Variants in ADAMTS17 observed in about 807,000 individuals in gnomAD.
ADAMTS17 encodes A disintegrin and metalloproteinase with thrombospondin motifs 17.
In ADAMTS17, 113 loss-of-function variants were observed where a neutral mutation model predicts 141.5. The ratio of observed to expected loss-of-function variants is 0.80; its 90% CI spans 0.69 to 0.93. The LOEUF is 0.93. Ranked by LOEUF, ADAMTS17 falls within the 40% of genes least tolerant of loss-of-function variation. ADAMTS17 has a pLI of 0.00. For missense variants in ADAMTS17, 1,659 were observed against 1,517.9 expected, an observed-to-expected ratio of 1.09 and a Z score of -1.54; for synonymous variants, 768 against 630.6, an observed-to-expected ratio of 1.22 and a Z score of -3.27.
chr15:99,981,424 C>T (rs1353546648), intron 20 of ADAMTS17, among the ~76,000 whole-genome samples: 2 of 152,228 alleles, frequency 1.3e-5, no homozygotes, highest in Non-Finnish European at 2.9e-5. Flanking sequence ...GCATTTTACT[C>T]TCATCAGAAT....
intron 3 of ADAMTS17, among the ~76,000 whole-genome samples, chr15:100,287,049 G>A (rs548095832): frequency 6.6e-6 from 1 of 152,284 alleles, no homozygotes; most frequent in Non-Finnish European, 1.5e-5. Context: ...TTAGCTGGGT[G>A]TGGTGGCACA....
intron 8 of ADAMTS17, among the ~76,000 whole-genome samples, chr15:100,193,932 T>C (rs904339821): frequency 2.6e-5 from 4 of 152,210 alleles, no homozygotes; most frequent in Non-Finnish European, 5.9e-5. Context: ...CTGGTGCCAC[T>C]TGGGCTGGAG....
Position 100,235,123 on chromosome 15 carries a change from G to A in ADAMTS17, c.1075+19013C>T, listed in dbSNP as rs542490921. On this transcript the variant is annotated intron_variant, in intron 7 of 21. Coordinates refer to ENST00000268070, the MANE Select transcript of ADAMTS17 (RefSeq NM_139057.4). ...AACAGGAAGGCAGACGCGGGCCCAC[G>A]ATGAGATAGGATGCAGGAGGTGCTC... Among the ~76,000 whole-genome samples, 28 of 152,312 alleles carry A rather than the reference G, an allele frequency of 1.8e-4. 1 individual carries two copies. In the South Asian group the frequency reaches 4.4e-3, roughly 24 times the overall value.
intron 13 of ADAMTS17, among the ~76,000 whole-genome samples, chr15:100,114,003 G>C (rs2036955705): frequency 6.6e-6 from 1 of 152,222 alleles, no homozygotes; most frequent in Admixed American, 6.5e-5. Flanking sequence ...AATGGGGTGG[G>C]TTTGGCAGTG....
chr15:99,990,748 C>T (rs1433860773), intron 20 of ADAMTS17, among the ~76,000 whole-genome samples: 2 of 152,054 alleles, frequency 1.3e-5, no homozygotes, highest in African/African-American at 2.4e-5. Flanking sequence ...AATGGAAAAC[C>T]CATTTTTCCT....
rs760148990 is a variant in ADAMTS17 at position 100,199,307 on chromosome 15, C to A, written c.1181+11G>T. ...GAAAGAAAACAGGACGACACAGAGT[C>A]TGATACTTACTTGTGGCCCAGCTCA... is the stretch of plus-strand genomic sequence containing the variant. On this transcript the variant is annotated intron_variant, in intron 8 of 21. Coordinates refer to ENST00000268070, the MANE Select transcript of ADAMTS17 (RefSeq NM_139057.4). The A allele has an allele frequency of 3.7e-6, 6 of 1,611,804 alleles. No homozygotes were observed. The highest frequency in any genetic ancestry group is 5.1e-6 in the Non-Finnish European group (6 of 1,177,836).
At position 100,079,217 on chromosome 15, in the gene ADAMTS17, T is replaced by G. The variant is rs370255778; in HGVS notation, c.2137+17139A>C. On this transcript the variant is annotated intron_variant, in intron 15 of 21. Coordinates refer to ENST00000268070, the MANE Select transcript of ADAMTS17 (RefSeq NM_139057.4). ...TTCCCAGGTATATACACAAGGGAAATGAAAACATGTCCACATGGTAACTCG... is the reference window on the plus strand; with the variant it reads ...TTCCCAGGTATATACACAAGGGAAAGGAAAACATGTCCACATGGTAACTCG... 1.2e-4 allele frequency among the ~76,000 whole-genome samples: 18 copies of G among 152,142 alleles called. No homozygotes were observed. The East Asian group carries it at 1.3e-3, about 11-fold the overall frequency.
At chr15:100,221,475 G>A (rs12592736) in intron 7 of ADAMTS17, among the ~76,000 whole-genome samples, 35,868 of 152,080 alleles carry the variant, frequency 0.24, 4,690 homozygotes, top group East Asian at 0.33. Context: ...ATGGTCAGCC[G>A]TTGGGAAATT....
intron 20 of ADAMTS17, among the ~76,000 whole-genome samples, chr15:99,984,574 T>C (rs2060547267): frequency 2.0e-5 from 3 of 152,200 alleles, no homozygotes; most frequent in Admixed American, 6.5e-5. Context: ...TACTGGGCAT[T>C]TCCCCTGTGC....
chr15:100,216,480 C>T (rs1231336720), intron 7 of ADAMTS17, among the ~76,000 whole-genome samples: 1 of 152,176 alleles, frequency 6.6e-6, no homozygotes, highest in Non-Finnish European at 1.5e-5. Context: ...GCATCAGAGG[C>T]CACTCTCTTT....
In ADAMTS17 at chr15:99,972,081, C is replaced by G. The variant is rs1407850923; in HGVS notation, c.*2321G>C. The G allele has an allele frequency of 6.6e-6, 1 of 152,256 alleles. No homozygotes were observed. The allele number at this position is 152,256 out of a possible 1,614,324, so 9.4% of individuals were successfully genotyped here. On this transcript the variant is annotated 3_prime_UTR_variant, in exon 22 of 22. Coordinates refer to ENST00000268070, the MANE Select transcript of ADAMTS17 (RefSeq NM_139057.4). ...CCTGGCTAACATGGTGAAACCCCGT[C>G]TCTAGTAAAAATACAAAAAAGTAGG... is the stretch of plus-strand genomic sequence containing the variant.
chr15:100,243,015 T>C (rs2042873833), intron 7 of ADAMTS17, among the ~76,000 whole-genome samples: 1 of 152,224 alleles, frequency 6.6e-6, no homozygotes. Context: ...GCAACTGCCA[T>C]CCTGCTTTCT....
chr15:100,203,977 C>T (rs1293053373), intron 7 of ADAMTS17, among the ~76,000 whole-genome samples: 1 of 152,096 alleles, frequency 6.6e-6, no homozygotes, highest in Non-Finnish European at 1.5e-5. Context: ...GAAGAGGCTC[C>T]CATCCACTAG....
Position 100,317,412 on chromosome 15 carries a change from C to A in ADAMTS17, c.616+13477G>T, listed in dbSNP as rs149031608. On this transcript the variant is annotated intron_variant, in intron 3 of 21. Coordinates refer to ENST00000268070, the MANE Select transcript of ADAMTS17 (RefSeq NM_139057.4). ...CCACAGTGCCTCTGCCCCATGAGCA[C>A]CAGGGAGACAGGAAATGAGGACCCA... is the stretch of plus-strand genomic sequence containing the variant. Among the ~76,000 whole-genome samples, 691 of 152,218 alleles carry A rather than the reference C, an allele frequency of 4.5e-3. 5 individuals are homozygous for A. The highest frequency in any genetic ancestry group is 0.016 in the African/African-American group (651 of 41,542).
chr15:100,308,854 G>A (rs2045313658), intron 3 of ADAMTS17, among the ~76,000 whole-genome samples: 1 of 152,136 alleles, frequency 6.6e-6, no homozygotes, highest in African/African-American at 2.4e-5. Flanking sequence ...GGGGTTTCGT[G>A]CCCTGGTCAG....
intron 3 of ADAMTS17, among the ~76,000 whole-genome samples, chr15:100,288,836 T>C (rs75293237): frequency 0.017 from 2,534 of 152,190 alleles, 35 homozygotes; most frequent in East Asian, 0.073. Flanking sequence ...ACCAAAATCT[T>C]TGAGAGACAG....
intron 15 of ADAMTS17, among the ~76,000 whole-genome samples, chr15:100,086,143 T>G (rs1464828055): frequency 6.6e-6 from 1 of 152,002 alleles, no homozygotes; most frequent in Non-Finnish European, 1.5e-5. Flanking sequence ...AATAAAGGGA[T>G]GAAGGAAGAC....
chr15:100,161,953 G>A (rs532194771), intron 8 of ADAMTS17, among the ~76,000 whole-genome samples: 14 of 152,174 alleles, frequency 9.2e-5, no homozygotes, highest in Non-Finnish European at 1.8e-4. Context: ...GCAATAAGGC[G>A]AACCCCAGAG....
In ADAMTS17 at chr15:99,995,731, T is replaced by C. The variant is rs547731677; in HGVS notation, c.2796+1654A>G. On this transcript the variant is annotated intron_variant, in intron 19 of 21. Coordinates refer to ENST00000268070, the MANE Select transcript of ADAMTS17 (RefSeq NM_139057.4). ...CTTCCAGCGGAAGACAGTCTCACTTTGGGACTTCAGCACGTGGGAAGCGGC... is the reference window on the plus strand; with the variant it reads ...CTTCCAGCGGAAGACAGTCTCACTTCGGGACTTCAGCACGTGGGAAGCGGC... Among the ~76,000 whole-genome samples the C allele has an allele frequency of 5.3e-5, 8 of 152,322 alleles. No individual in the cohort carries two copies. In the South Asian group the frequency reaches 1.7e-3, roughly 32 times the overall value.
Sources: allele counts gnomAD v4.1 joint callset (sites outside exome capture counted in the v4.1 genomes callset), GRCh38; gene constraint gnomAD v4.1.1; transcripts MANE v1.5; gene names NCBI Gene and HGNC (gene_info 2026-07-23, HGNC 2026-07-21).